PIGZ: variants seen among roughly 807,000 people sequenced by gnomAD.
The protein encoded by PIGZ is phosphatidylinositol glycan anchor biosynthesis class Z (Gwada blood group), also known as GPI alpha-1,2-mannosyltransferase 4.
A neutral mutation model predicts 16.4 loss-of-function variants in PIGZ; 16 were observed. The ratio of observed to expected loss-of-function variants is 0.97; its 90% CI spans 0.66 to 1.48. The LOEUF is 1.48. PIGZ is among the 40% of genes most tolerant of loss of function. The pLI is 0.00. For synonymous variants in PIGZ, 409 were observed against 338.4 expected, an observed-to-expected ratio of 1.21 and a Z score of -2.29; for missense variants, 770 against 739.2, an observed-to-expected ratio of 1.04 and a Z score of -0.48.
chr3:196,949,851 C>G (rs948301940), intron 2 of PIGZ, among the ~76,000 whole-genome samples: 9 of 151,926 alleles, frequency 5.9e-5, no homozygotes, highest in Non-Finnish European at 1.5e-5. Flanking sequence ...CACCCTTGTC[C>G]TTACACCTGT....
intron 1 of PIGZ, among the ~76,000 whole-genome samples, chr3:196,952,433 GT>G (rs1336393846): frequency 6.6e-6 from 1 of 152,194 alleles, no homozygotes; most frequent in East Asian, 1.9e-4. Flanking sequence ...CTTTGTTGTG[GT>G]TTTTTTGTTT....
At chr3:196,949,262 T>C (rs1717164901) in intron 2 of PIGZ, among the ~76,000 whole-genome samples, 1 of 151,984 alleles carries the variant, frequency 6.6e-6, no homozygotes, top group Non-Finnish European at 1.5e-5. Context: ...ATTAGGTTAC[T>C]TATACAGGAG....
intron 1 of PIGZ, among the ~76,000 whole-genome samples, chr3:196,955,552 C>CCTTTT (rs199963646): frequency 1.1e-5 from 1 of 88,536 alleles, no homozygotes; most frequent in South Asian, 3.8e-4. Flanking sequence ...CATTTTCCAG[C>CCTTTT]CTTTTCTTTT....
rs371620625 is a variant in PIGZ, at chr3:196,948,451, G to A, written c.446C>T (p.Pro149Leu). 1.2e-5 allele frequency: 20 copies of A among 1,614,058 alleles called. No individual in the cohort carries two copies. The highest frequency in any genetic ancestry group is 1.7e-4 in the Middle Eastern group (1 of 6,060). ...GTTCCAGCGATCCGCCCCCATCGGC[G>A]GGGCCAGGTGGTACACGGCCCCGTC... ...ALDGAVYHLA[P>L]PMGADRWNAL... The change falls in exon 3 of 3, where the codon CCG (proline) becomes CTG (leucine). Residue 149 changes from proline (P) to leucine (L), a missense_variant. Physicochemically the swap from Pro to Leu is moderately conservative, Grantham distance 98. Transcript: ENST00000412723.
chr3:196,963,708 G>C (rs1389337529), intron 1 of PIGZ, among the ~76,000 whole-genome samples: 1 of 152,210 alleles, frequency 6.6e-6, no homozygotes, highest in Non-Finnish European at 1.5e-5. Flanking sequence ...CTAACAACAG[G>C]TTCTGTTAGG....
In PIGZ at chr3:196,960,497, C is replaced by A. The variant is rs954771136; in HGVS notation, c.-1+8190G>T. 3.3e-5 allele frequency among the ~76,000 whole-genome samples: 5 copies of A among 151,922 alleles called. No homozygotes were observed. The East Asian group carries it at 9.6e-4, about 29-fold the overall frequency. ...GACCAGCCTGGCCAACATGGTGAAA[C>A]CCTGTCTCTACTAAAATGACAAAAA... On this transcript the variant is annotated intron_variant, in intron 1 of 2. Transcript: ENST00000412723.
rs1193482323 is a variant in PIGZ, at chr3:196,948,084, C to T, written c.813G>A (p.Val271=). The T allele has an allele frequency of 6.3e-7, 1 of 1,589,202 alleles. No homozygotes were observed. The highest frequency in any genetic ancestry group is 8.6e-7 in the Non-Finnish European group (1 of 1,164,906). The change falls in exon 3 of 3, where the codon GTG becomes GTA. Residue 271 remains valine (V), a synonymous_variant. Coordinates refer to ENST00000412723, the MANE Select transcript of PIGZ (RefSeq NM_025163.4). ...LLPGAALTAA[V]FVATDSWYFS... ...AATACCAGCTGTCCGTGGCCACAAACACCGCTGCTGTGAGGGCTGCCCCAG... is the reference window on the plus strand; with the variant it reads ...AATACCAGCTGTCCGTGGCCACAAATACCGCTGCTGTGAGGGCTGCCCCAG...
chr3:196,948,720 C>T, intron 2 of PIGZ, 35 bp from the exon 3 acceptor site: 12 of 1,427,426 alleles, frequency 8.4e-6, no homozygotes, highest in Non-Finnish European at 1.1e-5. Flanking sequence ...CAGTACCAAG[C>T]TCAGGGATGT....
At chr3:196,967,973 GT>G (rs535150165) in intron 1 of PIGZ, among the ~76,000 whole-genome samples, 25 of 152,358 alleles carry the variant, frequency 1.6e-4, no homozygotes, top group Non-Finnish European at 2.9e-4. Flanking sequence ...AGGCAAAGGT[GT>G]CTGGGGCTGA....
intron 1 of PIGZ, among the ~76,000 whole-genome samples, chr3:196,963,006 C>T (rs560211643): frequency 1.3e-4 from 20 of 152,362 alleles, no homozygotes; most frequent in Non-Finnish European, 2.6e-4. Context: ...CTCGTCTCCA[C>T]CTTGCGAGAA....
chr3:196,948,625 C>T lies in PIGZ; in HGVS notation c.272G>A (p.Arg91His), dbSNP rs764613440. Residue 91 changes from arginine (R) to histidine (H), a missense_variant, in exon 3 of 3, where the codon CGC (arginine) becomes CAC (histidine). Physicochemically the swap from Arg to His is conservative, Grantham distance 29 (BLOSUM62 0). Coordinates refer to ENST00000412723, the MANE Select transcript of PIGZ (RefSeq NM_025163.4). Reference sequence around the variant, plus strand: ...GATCAGCAGGGGGAAGAGCACCGAGCGGCAGGAGCTGCTGGGGTAAAACTC... The same window carrying T: ...GATCAGCAGGGGGAAGAGCACCGAGTGGCAGGAGCTGCTGGGGTAAAACTC... The part of the protein sequence containing the change: ...PWEFYPSSSC[R>H]SVLFPLLISG... 9.9e-6 allele frequency: 15 copies of T among 1,509,470 alleles called. No individual in the cohort carries two copies. The highest frequency in any genetic ancestry group is 2.6e-5 in the South Asian group (2 of 76,528). The allele number at this position is 1,509,470 out of a possible 1,614,324, so 93.5% of individuals were successfully genotyped here.
rs6790403 is a variant in PIGZ at position 196,948,854 on chromosome 3, T to C, written c.212-169A>G. Among the ~76,000 whole-genome samples, 587 of 101,640 alleles carry C rather than the reference T, an allele frequency of 5.8e-3. 39 individuals carry two copies. Among genetic ancestry groups the C allele is most frequent in the African/African-American group, 0.027 (555 of 20,404 alleles). 66.7% of individuals were successfully genotyped at this position (101,640 alleles called of 152,430 possible). A position where few individuals can be genotyped will look rare whatever the true frequency, so the allele number is the denominator to read the frequency against. On this transcript the variant is annotated intron_variant, in intron 2 of 2. Coordinates refer to ENST00000412723, the MANE Select transcript of PIGZ (RefSeq NM_025163.4). ...CCTTCCCTCCCTCTCTCCCTCCTTC[T>C]TTCCCTTCCTTCCCTTCCTTCCTTC...
chr3:196,962,564 G>C (rs1423142622), intron 1 of PIGZ, among the ~76,000 whole-genome samples: 4 of 151,682 alleles, frequency 2.6e-5, no homozygotes, highest in Non-Finnish European at 5.9e-5. Flanking sequence ...GGAATGTCTT[G>C]GTGTAAAACC....
chr3:196,964,306 C>G (rs1268056170), intron 1 of PIGZ, among the ~76,000 whole-genome samples: 1 of 152,132 alleles, frequency 6.6e-6, no homozygotes, highest in African/African-American at 2.4e-5. Flanking sequence ...ACCTCGGCCT[C>G]CCAAAGTGCT....
intron 1 of PIGZ, among the ~76,000 whole-genome samples, chr3:196,953,854 A>T (rs1717380483): frequency 6.7e-6 from 1 of 148,290 alleles, no homozygotes; most frequent in Admixed American, 6.7e-5. Context: ...ATAGCTGGAC[A>T]CAGTGGTGTG....
intron 1 of PIGZ, among the ~76,000 whole-genome samples, chr3:196,967,309 G>T (rs1717970218): frequency 6.6e-6 from 1 of 152,178 alleles, no homozygotes; most frequent in Non-Finnish European, 1.5e-5. Flanking sequence ...TCCAGGGACA[G>T]CCGTGAACGA....
intron 1 of PIGZ, among the ~76,000 whole-genome samples, chr3:196,954,519 C>A (rs1717407865): frequency 1.3e-5 from 2 of 151,972 alleles, no homozygotes; most frequent in African/African-American, 4.8e-5. Flanking sequence ...CAACTTTTGC[C>A]CTTGTTTTTA....
At chr3:196,960,607 T>C (rs1380890653) in intron 1 of PIGZ, among the ~76,000 whole-genome samples, 1 of 151,074 alleles carries the variant, frequency 6.6e-6, no homozygotes, top group Non-Finnish European at 1.5e-5. Context: ...AGACAGAGGT[T>C]GCAGTGAGCC....
rs201732827 is a variant in PIGZ at position 196,948,902 on chromosome 3, TCCCCTCCCCTC to T, written c.212-228_212-218del. ...TTCCCTTCCTTCCCCTTCCTTCCCT[TCCCCTCCCCTC>T]CCTTCCCTTCCTTCCCTTTACTTCC... On this transcript the variant is annotated intron_variant, in intron 2 of 2. Coordinates refer to ENST00000412723, the MANE Select transcript of PIGZ (RefSeq NM_025163.4). Among the ~76,000 whole-genome samples, 105 of 41,158 alleles carry T rather than the reference TCCCCTCCCCTC, an allele frequency of 2.6e-3. 22 individuals carry two copies. The highest frequency in any genetic ancestry group is 0.011 in the African/African-American group (95 of 8,616). The allele number at this position is 41,158 out of a possible 152,430, so 27.0% of individuals were successfully genotyped here.
Sources: allele counts gnomAD v4.1 joint callset (sites outside exome capture counted in the v4.1 genomes callset), GRCh38; gene constraint gnomAD v4.1.1; transcripts MANE v1.5; gene names NCBI Gene and HGNC (gene_info 2026-07-23, HGNC 2026-07-21).